FKBP9: variants seen among roughly 807,000 people sequenced by gnomAD.
The protein encoded by FKBP9 is FKBP prolyl isomerase 9.
Under a neutral mutation model 55.6 loss-of-function variants are expected in FKBP9, and 27 were observed. The ratio of observed to expected loss-of-function variants is 0.49; its 90% CI spans 0.36 to 0.67. FKBP9 has a LOEUF of 0.67. FKBP9 is among the 30% of genes least tolerant of loss of function. FKBP9 has a pLI of 0.00. For synonymous variants in FKBP9, 267 were observed against 296.5 expected (o/e 0.90, Z 1.02); for missense variants, 539 against 742.8 (o/e 0.73, Z 3.19).
Position 32,977,870 on chromosome 7 carries a change from C to CATGTGTGTATAT in FKBP9, c.703+1373_703+1374insGTGTGTATATAT, listed in dbSNP as rs780985630. Among the ~76,000 whole-genome samples the CATGTGTGTATAT allele has an allele frequency of 6.7e-3, 830 of 124,618 alleles. 16 individuals carry two copies. Among genetic ancestry groups the CATGTGTGTATAT allele is most frequent in the African/African-American group, 0.025 (794 of 31,722 alleles). The allele number at this position is 124,618 out of a possible 152,430, so 81.8% of individuals were successfully genotyped here. ...ACACTCATATATATATATACATGCC[C>CATGTGTGTATAT]ATATATATATATGTATATATACACT... is the stretch of plus-strand genomic sequence containing the variant. On this transcript the variant is annotated intron_variant, in intron 4 of 9. Coordinates refer to ENST00000242209, the MANE Select transcript of FKBP9 (RefSeq NM_007270.5).
chr7:33,004,141 A>G (rs1784985424), intron 9 of FKBP9, among the ~76,000 whole-genome samples: 1 of 152,028 alleles, frequency 6.6e-6, no homozygotes, highest in Non-Finnish European at 1.5e-5. Flanking sequence ...CTCTACCTTG[A>G]GAGCACACAC....
At chr7:32,958,104 T>C (rs1783942200) in intron 1 of FKBP9, among the ~76,000 whole-genome samples, 1 of 152,140 alleles carries the variant, frequency 6.6e-6, no homozygotes, top group Non-Finnish European at 1.5e-5. Context: ...AAATAATCAG[T>C]GTAAGTGGAG....
chr7:32,978,280 G>A (rs1784404420), intron 4 of FKBP9, among the ~76,000 whole-genome samples: 2 of 151,620 alleles, frequency 1.3e-5, no homozygotes, highest in East Asian at 2.0e-4. Context: ...CAGAGCATTA[G>A]GGGTGGAATT....
At chr7:32,973,682 G>GTTTTTTTTTTTTTTTTTTTTTTTT (rs745717239) in intron 1 of FKBP9, among the ~76,000 whole-genome samples, 1 of 64,982 alleles carries the variant, frequency 1.5e-5, no homozygotes, top group African/African-American at 5.6e-5. Context: ...GTTTTTTGTT[G>GTTTTTTTTTTTTTTTTTTTTTTTT]TTTTTTTTTT....
Position 33,000,248 on chromosome 7 carries a change from G to A in FKBP9, c.1360G>A (p.Glu454Lys). 3 of 1,611,404 alleles carry A rather than the reference G, an allele frequency of 1.9e-6. No individual in the cohort carries two copies. The highest frequency in any genetic ancestry group is 1.7e-6 in the Non-Finnish European group (2 of 1,177,892). ...CATTCCGCCTCACCTGGGCTATGGGGAAGCTGGCGTGGGTGAGTAAGCAAC... is the reference window on the plus strand; with the variant it reads ...CATTCCGCCTCACCTGGGCTATGGGAAAGCTGGCGTGGGTGAGTAAGCAAC... ...VIIPPHLGYG[E>K]AGVDGEVPGS... The change falls in exon 8 of 10, where the codon GAA becomes AAA. Residue 454 changes from glutamate to lysine, a missense_variant. Physicochemically the swap from Glu to Lys is moderately conservative, Grantham distance 56. This residue lies in a region of FKBP9 where 102 missense variants were observed against 200.7 expected (regional missense o/e 0.51). Transcript: ENST00000242209.
At chr7:32,987,149 G>T (rs1449503252) in intron 5 of FKBP9, among the ~76,000 whole-genome samples, 1 of 152,016 alleles carries the variant, frequency 6.6e-6, no homozygotes, top group African/African-American at 2.4e-5. Context: ...GGCTGTGGTG[G>T]AGAGTGCGGA....
In FKBP9 at chr7:33,005,458, C is replaced by G; in HGVS notation, c.*107C>G. 1.7e-5 allele frequency: 21 copies of G among 1,254,418 alleles called. No individual in the cohort carries two copies. Among genetic ancestry groups the G allele is most frequent in the Non-Finnish European group, 2.4e-5 (21 of 890,960 alleles). The allele number at this position is 1,254,418 out of a possible 1,614,324, so 77.7% of individuals were successfully genotyped here. ...GTCTCTCAGAAGTTGCATCATTAGC[C>G]AGTAGTAGGTGGGTCACATAGTACC... is the stretch of plus-strand genomic sequence containing the variant. On this transcript the variant is annotated 3_prime_UTR_variant, in exon 10 of 10. Coordinates refer to ENST00000242209, the MANE Select transcript of FKBP9 (RefSeq NM_007270.5).
chr7:32,957,930 C>G (rs537802155), intron 1 of FKBP9, 136 bp downstream of exon 1: 1 of 695,464 alleles, frequency 1.4e-6, no homozygotes, highest in Non-Finnish European at 2.1e-6. Flanking sequence ...CTGCCCAGAT[C>G]CTCCCGGACC....
At chr7:32,992,548 G>A (rs1384064348) in intron 6 of FKBP9, among the ~76,000 whole-genome samples, 3 of 152,232 alleles carry the variant, frequency 2.0e-5, no homozygotes, top group Non-Finnish European at 4.4e-5. Context: ...GGTTGGTGTT[G>A]GAGCCACGTT....
Position 33,003,883 on chromosome 7 carries a change from T to A in FKBP9, c.1536+1044T>A, listed in dbSNP as rs187558781. ...GTCCATATCCTGATGGCGTCTGGAT[T>A]TGTAGCTCCAGTCCAGTCTTCTCTC... On this transcript the variant is annotated intron_variant, in intron 9 of 9. Coordinates refer to ENST00000242209, the MANE Select transcript of FKBP9 (RefSeq NM_007270.5). Among the ~76,000 whole-genome samples the A allele has an allele frequency of 5.9e-3, 901 of 152,146 alleles. 9 individuals are homozygous for A. The highest frequency in any genetic ancestry group is 0.021 in the African/African-American group (858 of 41,510).
intron 1 of FKBP9, among the ~76,000 whole-genome samples, chr7:32,973,539 CCT>C (rs1369324549): frequency 1.3e-5 from 2 of 148,748 alleles, no homozygotes; most frequent in African/African-American, 5.0e-5. Flanking sequence ...TATCATGCTG[CCT>C]CTGTGTTTAA....
At chr7:32,990,257 G>A (rs1237416562) in intron 6 of FKBP9, among the ~76,000 whole-genome samples, 2 of 152,294 alleles carry the variant, frequency 1.3e-5, no homozygotes, top group South Asian at 4.1e-4. Context: ...GAGGCAGGGG[G>A]TCAGACCGGG....
chr7:32,966,534 A>G (rs1784149691), intron 1 of FKBP9, among the ~76,000 whole-genome samples: 1 of 152,154 alleles, frequency 6.6e-6, no homozygotes, highest in Non-Finnish European at 1.5e-5. Context: ...TATGGACTAC[A>G]TGTGCATAGT....
At chr7:32,995,709 A>T (rs1184581832) in intron 6 of FKBP9, among the ~76,000 whole-genome samples, 1 of 152,096 alleles carries the variant, frequency 6.6e-6, no homozygotes, top group Non-Finnish European at 1.5e-5. Flanking sequence ...AGTTTATGTT[A>T]TGTTTTTCTT....
chr7:32,980,303 G>A, intron 4 of FKBP9, 61 bp from the exon 5 acceptor site: 1 of 1,448,236 alleles, frequency 6.9e-7, no homozygotes, highest in Non-Finnish European at 9.5e-7. Flanking sequence ...AGCCTGTTGA[G>A]TTGTAAAGTA....
At chr7:32,985,574 G>T (rs1237689320) in intron 5 of FKBP9, among the ~76,000 whole-genome samples, 1 of 152,174 alleles carries the variant, frequency 6.6e-6, no homozygotes, top group Non-Finnish European at 1.5e-5. Context: ...ATGATAGCTT[G>T]CTGTATACTG....
At chr7:32,966,807 G>T (rs1182021576) in intron 1 of FKBP9, among the ~76,000 whole-genome samples, 1 of 152,168 alleles carries the variant, frequency 6.6e-6, no homozygotes, top group African/African-American at 2.4e-5. Context: ...GCAAGAGCAG[G>T]AGCAAGAGAG....
chr7:32,996,356 G>C lies in FKBP9; in HGVS notation c.1226+7G>C. The C allele has an allele frequency of 6.2e-7, 1 of 1,608,996 alleles. No individual in the cohort carries two copies. The highest frequency in any genetic ancestry group is 8.5e-7 in the Non-Finnish European group (1 of 1,176,144). On this transcript the variant is annotated splice_region_variant and intron_variant, in intron 7 of 9. Coordinates refer to ENST00000242209, the MANE Select transcript of FKBP9 (RefSeq NM_007270.5). ...GGACCCTGCTGGACTCCACGTAAGG[G>C]CAACCAGAATGGTGTGGGAGTGAGC...
chr7:32,962,359 A>G (rs924907627), intron 1 of FKBP9, among the ~76,000 whole-genome samples: 1 of 152,252 alleles, frequency 6.6e-6, no homozygotes, highest in African/African-American at 2.4e-5. Flanking sequence ...GCACCACTGC[A>G]CTACAGCCTG....
Sources: allele counts gnomAD v4.1 joint callset (sites outside exome capture counted in the v4.1 genomes callset), GRCh38; gene constraint gnomAD v4.1.1; regional missense constraint gnomAD v4.1.1; transcripts MANE v1.5; gene names NCBI Gene and HGNC (gene_info 2026-07-23, HGNC 2026-07-21).